The following BSPH1 variants were observed in gnomAD, a reference collection of about 807,000 sequenced individuals.
The protein encoded by BSPH1 is binder of sperm protein homolog 1.
Under a neutral mutation model 22.5 loss-of-function variants are expected in BSPH1, and 21 were observed. The observed-to-expected ratio is 0.93, with a 90% CI of 0.66 to 1.35. The LOEUF is 1.35. Ranked by LOEUF, BSPH1 falls within the 40% of genes most tolerant of loss-of-function variation. The pLI is 0.00. For synonymous variants in BSPH1, 42 were observed against 53.6 expected (o/e 0.78, Z 0.95); for missense variants, 141 against 154.2 (o/e 0.91, Z 0.45).
Position 47,989,643 on chromosome 19 carries a change from A to C in BSPH1, c.73+2366T>G, listed in dbSNP as rs150067783. On this transcript the variant is annotated intron_variant, in intron 1 of 5. Transcript: ENST00000344839. Reference sequence around the variant, plus strand: ...TCTGGGTTCCAACGAAGCTTAGCCTATGGCCTCCAGCAAGACTTTGAGCCC... The same window carrying C: ...TCTGGGTTCCAACGAAGCTTAGCCTCTGGCCTCCAGCAAGACTTTGAGCCC... 2.4e-3 allele frequency among the ~76,000 whole-genome samples: 361 copies of C among 152,164 alleles called. 1 individual carries two copies. Among genetic ancestry groups the C allele is most frequent in the African/African-American group, 8.3e-3 (343 of 41,528 alleles).
chr19:47,978,691 C>T (rs779489846), intron 3 of BSPH1, among the ~76,000 whole-genome samples: 6 of 152,272 alleles, frequency 3.9e-5, no homozygotes, highest in South Asian at 2.1e-4. Flanking sequence ...TTCATTAGCA[C>T]GAAGCATTTA....
chr19:47,975,408 T>C lies in BSPH1; in HGVS notation c.*2+1302A>G, dbSNP rs541257986. Among the ~76,000 whole-genome samples, 764 of 152,306 alleles carry C rather than the reference T, an allele frequency of 5.0e-3. 8 individuals carry two copies. The highest frequency in any genetic ancestry group is 0.018 in the African/African-American group (733 of 41,580). ...TGGCTTCTCTTTGGACTTAGCCAGCTCTCAAGTGCTGGCTTGCCCACTGCC... is the reference window on the plus strand; with the variant it reads ...TGGCTTCTCTTTGGACTTAGCCAGCCCTCAAGTGCTGGCTTGCCCACTGCC... On this transcript the variant is annotated intron_variant, in intron 5 of 5. Transcript: ENST00000344839.
intron 5 of BSPH1, 41 bp downstream of exon 5, chr19:47,976,669 A>G (rs1433059424): frequency 6.6e-7 from 1 of 1,525,128 alleles, no homozygotes; most frequent in East Asian, 2.5e-5. Context: ...TCCAAGGAGA[A>G]TGATTAAACG....
chr19:47,984,528 T>A (rs541426942), intron 1 of BSPH1, among the ~76,000 whole-genome samples: 21 of 152,168 alleles, frequency 1.4e-4, no homozygotes, highest in Non-Finnish European at 2.1e-4. Flanking sequence ...GAGTCTCATT[T>A]TTTCAGTTAA....
At chr19:47,981,592 G>A (rs2115099) in intron 1 of BSPH1, among the ~76,000 whole-genome samples, 104,074 of 152,084 alleles carry the variant, frequency 0.68, 36,098 homozygotes, top group African/African-American at 0.79. Flanking sequence ...GAATCCCCCC[G>A]GAGGGGTTGG....
At chr19:47,983,662 T>C (rs1969439973) in intron 1 of BSPH1, among the ~76,000 whole-genome samples, 1 of 152,166 alleles carries the variant, frequency 6.6e-6, no homozygotes, top group Non-Finnish European at 1.5e-5. Flanking sequence ...TTGTTGTGAA[T>C]GTTGGGATGT....
At chr19:47,984,159 AAAAAAT>A (rs1440271096) in intron 1 of BSPH1, among the ~76,000 whole-genome samples, 2 of 142,180 alleles carry the variant, frequency 1.4e-5, no homozygotes, top group East Asian at 2.0e-4. Context: ...AAGAAAAAAA[AAAAAAT>A]ATATATATAT....
At chr19:47,976,653 G>C in intron 5 of BSPH1, 57 bp downstream of exon 5, 2 of 1,420,488 alleles carry the variant, frequency 1.4e-6, no homozygotes, top group Non-Finnish European at 1.9e-6. Flanking sequence ...AAAACTCTAG[G>C]TTCTTTCCAA....
chr19:47,973,726 G>C (rs542867003), intron 5 of BSPH1, among the ~76,000 whole-genome samples: 43 of 152,220 alleles, frequency 2.8e-4, no homozygotes, highest in African/African-American at 9.9e-4. Context: ...GTACACGCGG[G>C]GAGGGCGCCA....
chr19:47,985,962 C>T (rs1277796435), intron 1 of BSPH1, among the ~76,000 whole-genome samples: 2 of 146,134 alleles, frequency 1.4e-5, no homozygotes, highest in East Asian at 4.2e-4. Flanking sequence ...ATTTCAGCAT[C>T]GTCAACAGCA....
At position 47,992,083 on chromosome 19, in the gene BSPH1, G is replaced by C. The variant is rs1159969946; in HGVS notation, c.-2C>G. On this transcript the variant is annotated 5_prime_UTR_variant, in exon 1 of 6. Transcript: ENST00000344839. The stretch of plus-strand genomic sequence containing the variant: ...GAAGAGAAGCATCAGGGAGCCCATG[G>C]GCAGTCACAGGCTTCCCGGTATCTC... The C allele has an allele frequency of 1.3e-6, 2 of 1,550,456 alleles. No individual in the cohort carries two copies. Among genetic ancestry groups the C allele is most frequent in the African/African-American group, 2.7e-5 (2 of 73,024 alleles).
intron 5 of BSPH1, among the ~76,000 whole-genome samples, chr19:47,972,112 G>A (rs962402713): frequency 2.6e-5 from 4 of 152,128 alleles, no homozygotes; most frequent in East Asian, 1.9e-4. Flanking sequence ...CTATTAAATC[G>A]GAAGATAATT....
chr19:47,968,941 G>A (rs1196582584), intron 5 of BSPH1, among the ~76,000 whole-genome samples: 1 of 150,056 alleles, frequency 6.7e-6, no homozygotes, highest in Non-Finnish European at 1.5e-5. Context: ...GGAGGTTGCA[G>A]TGAGCCGAGA....
chr19:47,976,315 G>A (rs1969362258), intron 5 of BSPH1, among the ~76,000 whole-genome samples: 1 of 151,870 alleles, frequency 6.6e-6, no homozygotes, highest in Non-Finnish European at 1.5e-5. Context: ...TTCTTTTGTA[G>A]AAACGGGGTC....
rs1966876311 is a variant in BSPH1, at chr19:47,992,054, C to A, written c.28G>T (p.Glu10Ter). 1.3e-6 allele frequency: 2 copies of A among 1,551,218 alleles called. No individual in the cohort carries two copies. The highest frequency in any genetic ancestry group is 1.4e-5 in the African/African-American group (1 of 73,034). Residue 10 changes from glutamate to a stop codon, truncating the protein, a stop_gained, in exon 1 of 6, where the codon GAA becomes TAA. Transcript: ENST00000344839. LOFTEE classifies it high-confidence loss of function. Reference protein sequence around the residue: MGSLMLLFVETTRNSSACIF... With the variant: MGSLMLLFV ...CAAGCTGAGGAATTTCGCGTCGTTT[C>A]CACGAAGAGAAGCATCAGGGAGCCC...
chr19:47,973,165 C>T (rs548902381), intron 5 of BSPH1, among the ~76,000 whole-genome samples: 1 of 150,704 alleles, frequency 6.6e-6, no homozygotes, highest in South Asian at 2.1e-4. Context: ...TGCAGTGAGC[C>T]GAGATCGCGC....
intron 5 of BSPH1, among the ~76,000 whole-genome samples, chr19:47,971,291 C>T (rs189416407): frequency 1.6e-4 from 24 of 152,262 alleles, no homozygotes; most frequent in Non-Finnish European, 2.5e-4. Flanking sequence ...CTGCAACTTC[C>T]GCCTTTTGGG....
intron 1 of BSPH1, among the ~76,000 whole-genome samples, chr19:47,987,369 A>G (rs1392899584): frequency 6.7e-6 from 1 of 148,214 alleles, no homozygotes; most frequent in Admixed American, 6.8e-5. Context: ...CACGTACTAC[A>G]TGTACTTAGT....
At chr19:47,991,218 A>G (rs1211597009) in intron 1 of BSPH1, among the ~76,000 whole-genome samples, 6 of 151,760 alleles carry the variant, frequency 4.0e-5, no homozygotes, top group African/African-American at 1.5e-4. Context: ...CACCGACCAC[A>G]CCGCGAATCA....
Sources: gnomAD v4.1 joint callset for allele counts (sites outside exome capture counted in the v4.1 genomes callset) on GRCh38, gnomAD v4.1.1 for gene constraint, MANE v1.5 for transcripts, NCBI Gene and HGNC (gene_info 2026-07-23, HGNC 2026-07-21) for gene names.